DIP2C: variants seen among roughly 807,000 people sequenced by gnomAD.
The protein encoded by DIP2C is disco-interacting protein 2 homolog C.
DIP2C carries 33 observed loss-of-function variants against 192.4 expected under a neutral mutation model. That is an observed-to-expected ratio of 0.17 (90% confidence interval 0.13 to 0.23). DIP2C has a LOEUF of 0.23. Ranked by LOEUF, DIP2C falls within the 10% of genes least tolerant of loss-of-function variation. The probability of loss-of-function intolerance (pLI) is 1.00; values close to 1 mark genes in which losing one functional copy is unlikely to be tolerated. For synonymous variants in DIP2C, 979 were observed against 864.1 expected, an observed-to-expected ratio of 1.13 and a Z score of -2.33; for missense variants, 1,537 against 2,110.1, an observed-to-expected ratio of 0.73 and a Z score of 5.32.
At chr10:517,139 G>C (rs1032660963) in intron 1 of DIP2C, among the ~76,000 whole-genome samples, 1 of 151,852 alleles carries the variant, frequency 6.6e-6, no homozygotes, top group Non-Finnish European at 1.5e-5. Context: ...CTGCATGGCC[G>C]CCCCTCTCCG....
chr10:420,995 T>A (rs573565722), intron 5 of DIP2C, among the ~76,000 whole-genome samples: 1 of 152,356 alleles, frequency 6.6e-6, no homozygotes, highest in East Asian at 1.9e-4. Context: ...TCTGATTATC[T>A]CACAAGGTCA....
intron 25 of DIP2C, 66 bp downstream of exon 25, chr10:349,265 G>A: frequency 6.4e-7 from 1 of 1,563,756 alleles, no homozygotes; most frequent in Non-Finnish European, 8.7e-7. Flanking sequence ...CGGGTGTAAG[G>A]GACCTCCTCG....
At chr10:304,487 C>G (rs1956210971) in intron 32 of DIP2C, among the ~76,000 whole-genome samples, 1 of 152,168 alleles carries the variant, frequency 6.6e-6, no homozygotes, top group African/African-American at 2.4e-5. Flanking sequence ...GACTAAAGAC[C>G]AGCTGGAGAA....
chr10:647,100 C>T (rs1193727195), intron 1 of DIP2C, among the ~76,000 whole-genome samples: 3 of 151,976 alleles, frequency 2.0e-5, no homozygotes, highest in Non-Finnish European at 4.4e-5. Flanking sequence ...TGGGAGAGAA[C>T]AGAGGGAAAC....
chr10:609,898 C>T (rs1162813857), intron 1 of DIP2C, among the ~76,000 whole-genome samples: 1 of 152,144 alleles, frequency 6.6e-6, no homozygotes, highest in Non-Finnish European at 1.5e-5. Flanking sequence ...AAGCCCCTTC[C>T]CAGCGGTTCT....
intron 4 of DIP2C, among the ~76,000 whole-genome samples, chr10:432,273 T>G (rs1163345538): frequency 6.6e-6 from 1 of 152,214 alleles, no homozygotes; most frequent in East Asian, 1.9e-4. Flanking sequence ...ATTGGCATAA[T>G]TTCTTTTAGA....
At chr10:583,715 T>C (rs1224170780) in intron 1 of DIP2C, among the ~76,000 whole-genome samples, 1 of 152,142 alleles carries the variant, frequency 6.6e-6, no homozygotes, top group Admixed American at 6.5e-5. Flanking sequence ...TCATCCTCCT[T>C]GTAATAAAAT....
intron 22 of DIP2C, among the ~76,000 whole-genome samples, chr10:359,202 G>A (rs982197921): frequency 1.3e-5 from 2 of 152,206 alleles, no homozygotes; most frequent in African/African-American, 2.4e-5. Context: ...CGGAAATGGT[G>A]GCACCAGAAC....
chr10:570,020 A>G (rs995104724), intron 1 of DIP2C, among the ~76,000 whole-genome samples: 4 of 152,192 alleles, frequency 2.6e-5, no homozygotes, highest in African/African-American at 4.8e-5. Context: ...CAATGGCCTC[A>G]GAGCTCCAGC....
At chr10:431,953 TGA>T in intron 4 of DIP2C, among the ~76,000 whole-genome samples, 1 of 152,358 alleles carries the variant, frequency 6.6e-6, no homozygotes, top group African/African-American at 2.4e-5. Flanking sequence ...GCTTTTATTA[TGA>T]GTGTTAGATT....
chr10:578,936 CAT>C (rs1374252848), intron 1 of DIP2C, among the ~76,000 whole-genome samples: 13 of 152,108 alleles, frequency 8.5e-5, no homozygotes, highest in East Asian at 1.9e-4. Context: ...CACACTGTAA[CAT>C]GTGTACGTGC....
intron 1 of DIP2C, among the ~76,000 whole-genome samples, chr10:562,533 C>T (rs1849277763): frequency 1.3e-5 from 2 of 152,224 alleles, no homozygotes; most frequent in African/African-American, 4.8e-5. Context: ...TGTACATTCA[C>T]TCTCATTCTT....
At chr10:610,227 G>A (rs973458605) in intron 1 of DIP2C, among the ~76,000 whole-genome samples, 1 of 152,170 alleles carries the variant, frequency 6.6e-6, no homozygotes, top group Non-Finnish European at 1.5e-5. Flanking sequence ...GAAAGAAATG[G>A]TGCATGTTCT....
intron 1 of DIP2C, among the ~76,000 whole-genome samples, chr10:488,034 C>G (rs1564778725): frequency 6.6e-6 from 1 of 152,202 alleles, no homozygotes; most frequent in Non-Finnish European, 1.5e-5. Context: ...CAAACAATGT[C>G]CAAAATCTGA....
chr10:579,740 G>C (rs1850466976), intron 1 of DIP2C, among the ~76,000 whole-genome samples: 1 of 151,670 alleles, frequency 6.6e-6, no homozygotes, highest in Non-Finnish European at 1.5e-5. Context: ...AGCATACATA[G>C]GTACACTATA....
chr10:472,405 A>G (rs374188427), intron 3 of DIP2C, 34 bp downstream of exon 3: 381 of 1,585,424 alleles, frequency 2.4e-4, no homozygotes, highest in Non-Finnish European at 3.2e-4. Flanking sequence ...CAGGTGGCAG[A>G]TGGACGTATT....
chr10:618,663 G>C (rs1378825445), intron 1 of DIP2C, among the ~76,000 whole-genome samples: 2 of 152,200 alleles, frequency 1.3e-5, no homozygotes, highest in African/African-American at 2.4e-5. Flanking sequence ...AAAGTTAAAA[G>C]ACTATCACTC....
At chr10:677,044 T>C (rs1830901996) in intron 1 of DIP2C, among the ~76,000 whole-genome samples, 1 of 152,228 alleles carries the variant, frequency 6.6e-6, no homozygotes, top group South Asian at 2.1e-4. Flanking sequence ...TATCACGCTG[T>C]ATCCCATAGA....
chr10:346,685 A>G (rs1338922951), intron 26 of DIP2C, among the ~76,000 whole-genome samples: 1 of 70,198 alleles, frequency 1.4e-5, no homozygotes, highest in Non-Finnish European at 2.8e-5. Flanking sequence ...AACGTCACAC[A>G]CACCCAACCC....
Sources: gnomAD v4.1 joint callset for allele counts (sites outside exome capture counted in the v4.1 genomes callset) on GRCh38, gnomAD v4.1.1 for gene constraint, MANE v1.5 for transcripts, NCBI Gene and HGNC (gene_info 2026-07-23, HGNC 2026-07-21) for gene names.